ZFAND3: variants seen among roughly 807,000 people sequenced by gnomAD.
ZFAND3 encodes the protein AN1-type zinc finger protein 3.
ZFAND3 carries 10 observed loss-of-function variants against 29.6 expected under a neutral mutation model. The ratio of observed to expected loss-of-function variants is 0.34; its 90% CI spans 0.21 to 0.57. The LOEUF (loss-of-function observed/expected upper bound fraction) is 0.57. Ranked by LOEUF, ZFAND3 falls within the 20% of genes least tolerant of loss-of-function variation. ZFAND3 has a pLI of 0.86. For synonymous variants in ZFAND3, 128 were observed against 112.6 expected, an observed-to-expected ratio of 1.14 and a Z score of -0.87; for missense variants, 230 against 304.5, an observed-to-expected ratio of 0.76 and a Z score of 1.82.
rs748496965 is a variant in ZFAND3 at position 38,116,746 on chromosome 6, A to G, written c.529+7A>G. ...TTGGGATCGTGTCGCTGCGGTAAGC[A>G]TCTCCCCCAGTGGCGTGATGGAGAC... On this transcript the variant is annotated splice_region_variant and intron_variant, in intron 5 of 5. Transcript: ENST00000287218. 32 of 1,613,052 alleles carry G rather than the reference A, an allele frequency of 2.0e-5. No individual in the cohort carries two copies. In the East Asian group the frequency reaches 4.5e-4, roughly 22 times the overall value.
chr6:37,833,182 A>C (rs1468605107), intron 1 of ZFAND3: 1 of 152,270 alleles, frequency 6.6e-6, no homozygotes, highest in African/African-American at 2.4e-5. Context: ...CTGTGACTAC[A>C]GGCATGCTAC....
intron 5 of ZFAND3, among the ~76,000 whole-genome samples, chr6:38,133,292 C>T (rs993270768): frequency 2.0e-5 from 3 of 152,184 alleles, no homozygotes; most frequent in African/African-American, 4.8e-5. Context: ...TACTGCAGTG[C>T]CTGGCGTGCG....
At chr6:38,038,116 G>C (rs1481414577) in intron 2 of ZFAND3, among the ~76,000 whole-genome samples, 1 of 152,194 alleles carries the variant, frequency 6.6e-6, no homozygotes, top group Non-Finnish European at 1.5e-5. Flanking sequence ...GGCCCAGCAA[G>C]TCAGTCTTCA....
In ZFAND3 at chr6:38,152,278, C is replaced by T. The variant is rs1403414060; in HGVS notation, c.573C>T (p.Asp191=). 2 of 1,603,050 alleles carry T rather than the reference C, an allele frequency of 1.2e-6. No homozygotes were observed. The highest frequency in any genetic ancestry group is 1.7e-6 in the Non-Finnish European group (2 of 1,175,328). ...TACATCGCCTCCCCGAGCAGCACGA[C>T]TGCACATTCGACCACATGGGCCGTG... The part of the protein sequence containing the change: ...CMLHRLPEQH[D]CTFDHMGRGR... Residue 191 remains aspartate (D), a synonymous_variant, in exon 6 of 6, where the codon GAC becomes GAT. Transcript: ENST00000287218.
At chr6:38,057,386 A>G (rs1000702964) in intron 2 of ZFAND3, among the ~76,000 whole-genome samples, 1 of 152,244 alleles carries the variant, frequency 6.6e-6, no homozygotes, top group Non-Finnish European at 1.5e-5. Flanking sequence ...GCCTAAGAGA[A>G]TAAGAACTGT....
rs370690906 is a variant in ZFAND3 at position 38,072,647 on chromosome 6, G to GA, written c.296-9736dup. 3.6e-3 allele frequency among the ~76,000 whole-genome samples: 533 copies of GA among 149,822 alleles called. 4 individuals carry two copies. Among genetic ancestry groups the GA allele is most frequent in the African/African-American group, 0.012 (495 of 40,932 alleles). On this transcript the variant is annotated intron_variant, in intron 3 of 5. Coordinates refer to ENST00000287218, the MANE Select transcript of ZFAND3 (RefSeq NM_021943.3). ...TTATTTATGACAAAAATGTTTGGCT[G>GA]AAAAAAAAACATAATGGCATTTATG...
chr6:37,977,079 A>T (rs763492676), intron 2 of ZFAND3, among the ~76,000 whole-genome samples: 7 of 152,220 alleles, frequency 4.6e-5, no homozygotes, highest in Non-Finnish European at 1.0e-4. Flanking sequence ...CATTGTGCTA[A>T]CATCATAGAG....
rs534575921 is a variant in ZFAND3 at position 38,056,310 on chromosome 6, T to A, written c.113-5283T>A. Reference sequence around the variant, plus strand: ...TGATTCCTTGCTAAGAGGAAAAAAATAGGTTATGGAACAGGGTTAAAAAGA... The same window carrying A: ...TGATTCCTTGCTAAGAGGAAAAAAAAAGGTTATGGAACAGGGTTAAAAAGA... On this transcript the variant is annotated intron_variant, in intron 2 of 5. Transcript: ENST00000287218. 4.5e-3 allele frequency among the ~76,000 whole-genome samples: 682 copies of A among 152,208 alleles called. 8 individuals are homozygous for A. Among genetic ancestry groups the A allele is most frequent in the Non-Finnish European group, 7.1e-3 (480 of 68,008 alleles).
intron 1 of ZFAND3, among the ~76,000 whole-genome samples, chr6:37,875,305 C>G (rs1238429439): frequency 6.6e-6 from 1 of 152,084 alleles, no homozygotes; most frequent in East Asian, 1.9e-4. Context: ...AAATAGTTGT[C>G]CAGCATTTTG....
At chr6:37,862,728 A>G (rs369184271) in intron 1 of ZFAND3, among the ~76,000 whole-genome samples, 1 of 151,780 alleles carries the variant, frequency 6.6e-6, no homozygotes, top group African/African-American at 2.4e-5. Flanking sequence ...CAAAACAAAA[A>G]AAAAACAAAG....
intron 2 of ZFAND3, among the ~76,000 whole-genome samples, chr6:37,993,179 T>C (rs555424936): frequency 1.8e-4 from 28 of 152,046 alleles, no homozygotes; most frequent in Admixed American, 7.9e-4. Context: ...GTCTTTTTAA[T>C]CTAGAAAAAA....
At chr6:38,076,524 A>G (rs1281985558) in intron 3 of ZFAND3, among the ~76,000 whole-genome samples, 1 of 152,194 alleles carries the variant, frequency 6.6e-6, no homozygotes, top group Non-Finnish European at 1.5e-5. Context: ...CCCACTTTGA[A>G]AATTCCCTTC....
intron 1 of ZFAND3, among the ~76,000 whole-genome samples, chr6:37,922,568 G>A (rs779928113): frequency 2.6e-5 from 4 of 152,074 alleles, no homozygotes; most frequent in South Asian, 2.1e-4. Context: ...GCTGTTAGTC[G>A]GTTTCATTGT....
chr6:38,049,152 A>G (rs1416110870), intron 2 of ZFAND3, among the ~76,000 whole-genome samples: 4 of 152,164 alleles, frequency 2.6e-5, no homozygotes, highest in African/African-American at 9.7e-5. Flanking sequence ...AAACTTTCGT[A>G]TTTGTATCCC....
At chr6:38,135,092 G>T (rs1011500815) in intron 5 of ZFAND3, among the ~76,000 whole-genome samples, 3 of 152,174 alleles carry the variant, frequency 2.0e-5, no homozygotes, top group Non-Finnish European at 2.9e-5. Context: ...GTGAGCTAAG[G>T]TTACTGGGAC....
intron 1 of ZFAND3, among the ~76,000 whole-genome samples, chr6:37,879,757 T>G (rs1764857361): frequency 6.6e-6 from 1 of 152,156 alleles, no homozygotes; most frequent in African/African-American, 2.4e-5. Context: ...AGAATGTGAG[T>G]TAGGGTATGA....
intron 1 of ZFAND3, among the ~76,000 whole-genome samples, chr6:37,858,758 G>T (rs1764428188): frequency 6.6e-6 from 1 of 152,172 alleles, no homozygotes; most frequent in Admixed American, 6.5e-5. Flanking sequence ...AGGTTAAGAT[G>T]TTTTTAAAAA....
intron 2 of ZFAND3, among the ~76,000 whole-genome samples, chr6:37,931,209 A>C (rs137881991): frequency 6.6e-6 from 1 of 152,288 alleles, no homozygotes; most frequent in African/African-American, 2.4e-5. Context: ...CAGAGGAAGG[A>C]TTCACAGTTG....
intron 1 of ZFAND3, among the ~76,000 whole-genome samples, chr6:37,926,348 G>T (rs1235265197): frequency 2.0e-5 from 3 of 152,180 alleles, no homozygotes; most frequent in Non-Finnish European, 4.4e-5. Context: ...TCCCTCCAAG[G>T]TGGCTCTGAG....
Sources: gnomAD v4.1 joint callset for allele counts (sites outside exome capture counted in the v4.1 genomes callset) on GRCh38, gnomAD v4.1.1 for gene constraint, MANE v1.5 for transcripts, NCBI Gene and HGNC (gene_info 2026-07-23, HGNC 2026-07-21) for gene names.